GREB1L: variants seen among roughly 807,000 people sequenced by gnomAD.
GREB1L encodes GREB1-like protein.
In GREB1L, 17 loss-of-function variants were observed where a neutral mutation model predicts 200.8. The ratio of observed to expected loss-of-function variants is 0.08; its 90% confidence interval spans 0.06 to 0.13. The LOEUF (loss-of-function observed/expected upper bound fraction) is 0.13, where lower values mean the gene tolerates loss of function less well. Among genes scored for constraint, GREB1L ranks in the 10% least tolerant of loss-of-function variants. GREB1L has a pLI of 1.00. For synonymous variants in GREB1L, 789 were observed against 893.0 expected, an observed-to-expected ratio of 0.88 and a Z score of 2.08; for missense variants, 1,657 against 2,367.7, an observed-to-expected ratio of 0.70 and a Z score of 6.23.
At chr18:21,506,192 G>A (rs1215399601) in intron 25 of GREB1L, among the ~76,000 whole-genome samples, 3 of 152,170 alleles carry the variant, frequency 2.0e-5, no homozygotes, top group East Asian at 3.9e-4. Flanking sequence ...TCAGAAGTTC[G>A]TGATCATCCT....
chr18:21,359,386 G>T (rs2039550880), intron 1 of GREB1L, among the ~76,000 whole-genome samples: 1 of 152,122 alleles, frequency 6.6e-6, no homozygotes, highest in South Asian at 2.1e-4. Context: ...GGAGGTGGAG[G>T]TTGCAGTGAG....
At chr18:21,402,759 G>C (rs1396969630) in intron 6 of GREB1L, among the ~76,000 whole-genome samples, 2 of 151,998 alleles carry the variant, frequency 1.3e-5, no homozygotes, top group Admixed American at 1.3e-4. Context: ...TTGGGCTCAA[G>C]TCATCTACCC....
At chr18:21,316,623 C>A (rs868663496) in intron 1 of GREB1L, among the ~76,000 whole-genome samples, 2 of 152,242 alleles carry the variant, frequency 1.3e-5, no homozygotes, top group Middle Eastern at 3.4e-3. Flanking sequence ...CTGTAAAAAC[C>A]ACTTCCTTGC....
intron 1 of GREB1L, among the ~76,000 whole-genome samples, chr18:21,341,085 G>A (rs1263371590): frequency 6.6e-6 from 1 of 152,160 alleles, no homozygotes; most frequent in African/African-American, 2.4e-5. Context: ...GATCACCACT[G>A]CCTGTCTTGG....
intron 7 of GREB1L, among the ~76,000 whole-genome samples, chr18:21,431,483 T>A (rs2033149934): frequency 6.6e-6 from 1 of 152,216 alleles, no homozygotes; most frequent in Admixed American, 6.5e-5. Flanking sequence ...AGATAATGTA[T>A]TTTATATGAT....
intron 18 of GREB1L, 101 bp from the exon 19 acceptor site, chr18:21,489,910 GC>G: frequency 1.3e-6 from 1 of 793,430 alleles, no homozygotes. Flanking sequence ...CTGATCAGTA[GC>G]CCCTTCCCCA....
In GREB1L at chr18:21,285,303, C is replaced by T. The variant is rs74652880; in HGVS notation, c.-120+42910C>T. 7.3e-3 allele frequency among the ~76,000 whole-genome samples: 1,117 copies of T among 152,040 alleles called. 5 individuals carry two copies. The highest frequency in any genetic ancestry group is 0.012 in the Non-Finnish European group (815 of 67,994). ...ATTTTGTGATTTGTGTCTAAGAAAC[C>T]GTTGCCTAATCCAAGGTCATGGAGA... On this transcript the variant is annotated intron_variant, in intron 1 of 32. Transcript: ENST00000424526.
chr18:21,334,451 G>A (rs1157963344), intron 1 of GREB1L, among the ~76,000 whole-genome samples: 1 of 152,098 alleles, frequency 6.6e-6, no homozygotes, highest in African/African-American at 2.4e-5. Flanking sequence ...GAAAATAAAA[G>A]TCCAAAAAAG....
chr18:21,455,563 A>G (rs535299586), intron 15 of GREB1L, among the ~76,000 whole-genome samples: 1 of 151,994 alleles, frequency 6.6e-6, no homozygotes, highest in Non-Finnish European at 1.5e-5. Flanking sequence ...CATGCCTGTT[A>G]TCCCAGCTAC....
At chr18:21,482,621 A>C (rs1411905871) in intron 17 of GREB1L, among the ~76,000 whole-genome samples, 2 of 149,558 alleles carry the variant, frequency 1.3e-5, no homozygotes, top group Non-Finnish European at 3.0e-5. Flanking sequence ...GCAGGTGAGC[A>C]CACCATTGTG....
intron 12 of GREB1L, chr18:21,450,680 A>G (rs747823914): frequency 5.8e-5 from 10 of 173,342 alleles, no homozygotes; most frequent in Non-Finnish European, 1.2e-4. Flanking sequence ...CATCTGCCCA[A>G]TTGGCCAGCC....
chr18:21,315,568 G>T (rs1024024168), intron 1 of GREB1L, among the ~76,000 whole-genome samples: 3 of 152,108 alleles, frequency 2.0e-5, no homozygotes, highest in Non-Finnish European at 4.4e-5. Flanking sequence ...TAGAGGAATG[G>T]TAAAGTCTAT....
At chr18:21,446,596 T>C (rs1318014287) in intron 11 of GREB1L, among the ~76,000 whole-genome samples, 6 of 152,210 alleles carry the variant, frequency 3.9e-5, no homozygotes, top group Non-Finnish European at 8.8e-5. Context: ...AAACCTAAGC[T>C]TTGTACATTG....
At chr18:21,431,209 G>A (rs1391209755) in intron 7 of GREB1L, among the ~76,000 whole-genome samples, 2 of 151,738 alleles carry the variant, frequency 1.3e-5, no homozygotes, top group Non-Finnish European at 2.9e-5. Context: ...TTTTTTAGTA[G>A]AGACAGAGTT....
chr18:21,386,919 T>G (rs2040567659), intron 4 of GREB1L, among the ~76,000 whole-genome samples: 1 of 152,206 alleles, frequency 6.6e-6, no homozygotes, highest in Non-Finnish European at 1.5e-5. Flanking sequence ...GGCAATATAC[T>G]GCCTGAACCT....
At chr18:21,441,330 C>G in intron 9 of GREB1L, 70 bp from the exon 10 acceptor site, 1 of 1,284,278 alleles carries the variant, frequency 7.8e-7, no homozygotes, top group South Asian at 1.6e-5. Flanking sequence ...AGTATTAAAA[C>G]TGCATTGCTT....
intron 1 of GREB1L, among the ~76,000 whole-genome samples, chr18:21,314,602 T>A (rs2038840608): frequency 6.6e-6 from 1 of 152,204 alleles, no homozygotes; most frequent in Non-Finnish European, 1.5e-5. Flanking sequence ...ATTTCCTAAT[T>A]CCCTGTTTCA....
chr18:21,251,944 CAAAA>C (rs11422185), intron 1 of GREB1L, among the ~76,000 whole-genome samples: 1 of 72,892 alleles, frequency 1.4e-5, no homozygotes. Context: ...GACTCCATCT[CAAAA>C]AAAAAAAAAA....
chr18:21,268,556 CACACATAT>C (rs1180170546), intron 1 of GREB1L, among the ~76,000 whole-genome samples: 22 of 95,738 alleles, frequency 2.3e-4, no homozygotes, highest in East Asian at 5.9e-4. Context: ...CACACACACA[CACACATAT>C]ATATATATAT....
Sources: gnomAD v4.1 joint callset for allele counts (sites outside exome capture counted in the v4.1 genomes callset) on GRCh38, gnomAD v4.1.1 for gene constraint, MANE v1.5 for transcripts, NCBI Gene and HGNC (gene_info 2026-07-23, HGNC 2026-07-21) for gene names.